CHAF1A: variants seen among roughly 807,000 people sequenced by gnomAD.
CHAF1A encodes chromatin assembly factor 1 subunit A, also known as CAF-1 subunit A.
CHAF1A carries 5 observed loss-of-function variants against 93.2 expected under a neutral mutation model. That is an observed-to-expected ratio of 0.05 (90% CI 0.03 to 0.11). The LOEUF is 0.11. Among genes scored for constraint, CHAF1A ranks in the 10% least tolerant of loss-of-function variants. The pLI, the probability that CHAF1A is intolerant of heterozygous loss-of-function variation, is 1.00. For missense variants in CHAF1A, 1,102 were observed against 1,259.9 expected, an observed-to-expected ratio of 0.87 and a Z score of 1.90; for synonymous variants, 504 against 510.3, an observed-to-expected ratio of 0.99 and a Z score of 0.17.
At chr19:4,447,749 C>T, downstream of CHAF1A, 1 of 956,666 alleles carries the variant, frequency 1.0e-6, no homozygotes. Flanking sequence ...GAAGAAGCGG[C>T]CCAGTGACGC....
In CHAF1A at chr19:4,437,948, A is replaced by G. The variant is rs858046; in HGVS notation, c.2674-4297A>G. Among the ~76,000 whole-genome samples the G allele has an allele frequency of 1.4e-3, 217 of 152,124 alleles. 1 individual carries two copies. Among genetic ancestry groups the G allele is most frequent in the African/African-American group, 4.9e-3 (205 of 41,518 alleles). Reference sequence around the variant, plus strand: ...AGTAGAGACGGGGTTTCACTGTGTTAGCCAGGATGGTCCCGATCTCCTGAC... The same window carrying G: ...AGTAGAGACGGGGTTTCACTGTGTTGGCCAGGATGGTCCCGATCTCCTGAC... On this transcript the variant is annotated intron_variant, in intron 13 of 14. Transcript: ENST00000301280.
chr19:4,445,835 C>A, downstream of CHAF1A: 1 of 1,045,172 alleles, frequency 9.6e-7, no homozygotes, highest in Non-Finnish European at 1.3e-6. Context: ...CACGTCACCG[C>A]TCCCATTTGA....
At chr19:4,438,462 G>A (rs1974327163) in intron 13 of CHAF1A, among the ~76,000 whole-genome samples, 1 of 150,772 alleles carries the variant, frequency 6.6e-6, no homozygotes, top group Non-Finnish European at 1.5e-5. Context: ...GCCTCCCAAA[G>A]TACTGGGATT....
intron 7 of CHAF1A, among the ~76,000 whole-genome samples, chr19:4,426,352 A>G (rs1188317494): frequency 6.6e-6 from 1 of 151,742 alleles, no homozygotes; most frequent in Non-Finnish European, 1.5e-5. Context: ...TATTTTTAGT[A>G]GAGACGGGGT....
rs369875867 is a variant in CHAF1A at position 4,422,868 on chromosome 19, G to A, written c.1247+73G>A. ...TTCCGCTCCTGGCCACTCTGATGGG[G>A]CCTTTCCACTTCACAGGCAGATGGC... On this transcript the variant is annotated intron_variant, in intron 5 of 14. Transcript: ENST00000301280. The surrounding 1 kb of genome is among the most constrained non-coding windows in gnomAD (Gnocchi z 4.6). The A allele has an allele frequency of 1.2e-5, 17 of 1,389,328 alleles. No homozygotes were observed. The African/African-American group carries it at 1.6e-4, about 13-fold the overall frequency. 86.1% of individuals were successfully genotyped at this position (1,389,328 alleles called of 1,614,324 possible).
Position 4,429,536 on chromosome 19 carries a change from C to G in CHAF1A, c.1703C>G (p.Pro568Arg). Reference sequence around the variant, plus strand: ...CTGCAGTTCTGTGAGAACCACCGGCCTGCCTACTGGGGTACCTGGAATAAG... The same window carrying G: ...CTGCAGTTCTGTGAGAACCACCGGCGTGCCTACTGGGGTACCTGGAATAAG... Reference protein sequence around the residue: ...KLLQFCENHRPAYWGTWNKKT... With the variant: ...KLLQFCENHRRAYWGTWNKKT... Residue 568 changes from proline (P) to arginine (R), a missense_variant, in exon 9 of 15, where the codon CCT becomes CGT. Physicochemically the swap from Pro to Arg is moderately radical, Grantham distance 103 (BLOSUM62 -2). This residue lies in a region of CHAF1A where 335 missense variants were observed against 361.9 expected (regional missense o/e 0.93). Transcript: ENST00000301280. The G allele has an allele frequency of 6.2e-7, 1 of 1,614,008 alleles. No homozygotes were observed. The highest frequency in any genetic ancestry group is 8.5e-7 in the Non-Finnish European group (1 of 1,180,000).
intron 3 of CHAF1A, among the ~76,000 whole-genome samples, chr19:4,414,602 G>A (rs960748392): frequency 1.3e-5 from 2 of 152,122 alleles, no homozygotes; most frequent in Non-Finnish European, 2.9e-5. Flanking sequence ...ACTCAAGGGT[G>A]TCTTAGATGT....
intron 13 of CHAF1A, among the ~76,000 whole-genome samples, chr19:4,440,987 G>A (rs1490818163): frequency 1.4e-5 from 2 of 144,254 alleles, no homozygotes; most frequent in Admixed American, 1.5e-4. Flanking sequence ...GGGCGTAGTG[G>A]CGGGCACCTG....
intron 7 of CHAF1A, among the ~76,000 whole-genome samples, chr19:4,425,441 A>G (rs1653002872): frequency 6.6e-6 from 1 of 151,928 alleles, no homozygotes; most frequent in South Asian, 2.1e-4. Flanking sequence ...TTTAGTAGAG[A>G]CGGGGTTTCA....
At chr19:4,445,159 A>G (rs243387), downstream of CHAF1A, 158,180 of 293,598 alleles carry the variant, frequency 0.54, 43,705 homozygotes, top group Admixed American at 0.72. Flanking sequence ...ACACGGGAAC[A>G]GGACCCATGC....
At chr19:4,446,781 C>T (rs532967129), downstream of CHAF1A, 8 of 1,613,182 alleles carry the variant, frequency 5.0e-6, no homozygotes, top group Admixed American at 1.3e-4. Context: ...CCGGGCCCTC[C>T]TGCCCCGAGG....
chr19:4,428,622 C>G lies in CHAF1A; in HGVS notation c.1378-42C>G, dbSNP rs771370454. On this transcript the variant is annotated intron_variant, in intron 7 of 14. Transcript: ENST00000301280. ...TGTGCGTCCATGGTGCCTCCTTTCTCCCATTGCTCGAAGACCCCATCGGGT... is the reference window on the plus strand; with the variant it reads ...TGTGCGTCCATGGTGCCTCCTTTCTGCCATTGCTCGAAGACCCCATCGGGT... The G allele has an allele frequency of 1.5e-5, 23 of 1,550,722 alleles. 1 individual carries two copies. The South Asian group carries it at 2.3e-4, about 16-fold the overall frequency.
downstream of CHAF1A, chr19:4,446,355 C>G (rs761524177): frequency 4.6e-5 from 73 of 1,571,822 alleles, no homozygotes; most frequent in South Asian, 4.7e-4. Flanking sequence ...CCCCGCTGCT[C>G]CTCCTTCTCC....
chr19:4,430,387 A>G (rs747121287), intron 10 of CHAF1A, among the ~76,000 whole-genome samples, 162 bp from the exon 11 acceptor site: 1 of 152,140 alleles, frequency 6.6e-6, no homozygotes. Context: ...CATGTTGGCC[A>G]GGCTGGTCTC....
At chr19:4,418,097 T>C (rs1217943805) in intron 4 of CHAF1A, 21 bp downstream of exon 4, 3 of 1,553,892 alleles carry the variant, frequency 1.9e-6, no homozygotes, top group African/African-American at 1.4e-5. Flanking sequence ...TTCCCTGAAA[T>C]AGAAAATTAA....
In CHAF1A at chr19:4,418,000, T is replaced by C. The variant is rs1973925479; in HGVS notation, c.961-20T>C. 6.3e-7 allele frequency: 1 copy of C among 1,578,050 alleles called. No homozygotes were observed. The highest frequency in any genetic ancestry group is 1.8e-5 in the Admixed American group (1 of 55,738). On this transcript the variant is annotated intron_variant, in intron 3 of 14. Coordinates refer to ENST00000301280, the MANE Select transcript of CHAF1A (RefSeq NM_005483.3). The stretch of plus-strand genomic sequence containing the variant: ...AATTGAAATAACCCGTGTTTAAAGA[T>C]AAACGTCTTCTGTTTTCAGATAACT...
At chr19:4,436,986 G>A (rs1006509572) in intron 13 of CHAF1A, among the ~76,000 whole-genome samples, 1 of 152,220 alleles carries the variant, frequency 6.6e-6, no homozygotes, top group African/African-American at 2.4e-5. Flanking sequence ...TTTAACTAGA[G>A]TGGGTCAGAG....
rs1974017270 is a variant in CHAF1A at position 4,422,954 on chromosome 19, G to A, written c.1247+159G>A. ...AGGTGCCCGTGGGGCCCTGACGTGG[G>A]AGCGGTGGAAAGCAGCTCCCTGCTC... On this transcript the variant is annotated intron_variant, in intron 5 of 14. Coordinates refer to ENST00000301280, the MANE Select transcript of CHAF1A (RefSeq NM_005483.3). This position sits in a 1 kb window ranked among gnomAD's most constrained non-coding sequence, Gnocchi z 4.6. Among the ~76,000 whole-genome samples the A allele has an allele frequency of 6.6e-6, 1 of 152,186 alleles. No homozygotes were observed. Among genetic ancestry groups the A allele is most frequent in the African/African-American group, 2.4e-5 (1 of 41,452 alleles).
chr19:4,426,348 T>TA (rs1342020627), intron 7 of CHAF1A, among the ~76,000 whole-genome samples: 1 of 151,884 alleles, frequency 6.6e-6, no homozygotes. Flanking sequence ...TTTGTATTTT[T>TA]AGTAGAGACG....
Sources: gnomAD v4.1 joint callset for allele counts (sites outside exome capture counted in the v4.1 genomes callset) on GRCh38, gnomAD v4.1.1 for gene constraint, gnomAD v4.1.1 regional missense constraint, Gnocchi (gnomAD v3.1) non-coding constraint, MANE v1.5 for transcripts, NCBI Gene and HGNC (gene_info 2026-07-23, HGNC 2026-07-21) for gene names.